Variants in RBM20 observed in about 807,000 individuals in gnomAD.
The protein encoded by RBM20 is RNA-binding protein 20.
In RBM20, 51 loss-of-function variants were observed where a neutral mutation model predicts 110.1. That is an observed-to-expected ratio of 0.46 (90% CI 0.37 to 0.59). The LOEUF is 0.59. Ranked by LOEUF, RBM20 falls within the 20% of genes least tolerant of loss-of-function variation. RBM20 has a pLI of 0.00. For synonymous variants in RBM20, 589 were observed against 618.2 expected, an observed-to-expected ratio of 0.95 and a Z score of 0.70; for missense variants, 1,512 against 1,574.9, an observed-to-expected ratio of 0.96 and a Z score of 0.68.
intron 9 of RBM20, among the ~76,000 whole-genome samples, chr10:110,815,525 G>A (rs943087453): frequency 2.0e-5 from 3 of 152,182 alleles, no homozygotes; most frequent in African/African-American, 7.2e-5. Flanking sequence ...CCAAGTTGCT[G>A]GTGATGGATG....
At chr10:110,728,927 G>A (rs1843592070) in intron 1 of RBM20, among the ~76,000 whole-genome samples, 2 of 152,252 alleles carry the variant, frequency 1.3e-5, no homozygotes, top group Middle Eastern at 3.4e-3. Context: ...TTCAGATCTG[G>A]TCCCTGTCAC....
At chr10:110,669,108 TC>T (rs1250181500) in intron 1 of RBM20, among the ~76,000 whole-genome samples, 1 of 152,214 alleles carries the variant, frequency 6.6e-6, no homozygotes, top group Non-Finnish European at 1.5e-5. Flanking sequence ...AGGAAAATCT[TC>T]CTTCGTTTTT....
chr10:110,811,966 C>G (rs1844773309), intron 8 of RBM20, among the ~76,000 whole-genome samples: 1 of 152,206 alleles, frequency 6.6e-6, no homozygotes, highest in Non-Finnish European at 1.5e-5. Context: ...GAGCATAGCT[C>G]CCTTCCAAGA....
intron 1 of RBM20, among the ~76,000 whole-genome samples, chr10:110,654,913 C>T (rs922699095): frequency 1.3e-5 from 2 of 152,200 alleles, no homozygotes; most frequent in East Asian, 1.9e-4. Context: ...CTATTCTAAA[C>T]AGTTGAGGTA....
chr10:110,721,139 C>T (rs540440880), intron 1 of RBM20, among the ~76,000 whole-genome samples: 1 of 152,352 alleles, frequency 6.6e-6, no homozygotes, highest in South Asian at 2.1e-4. Context: ...TTTTCACTCT[C>T]TGTCCCCCTT....
intron 3 of RBM20, among the ~76,000 whole-genome samples, chr10:110,784,069 A>G (rs1237002299): frequency 6.6e-6 from 1 of 152,196 alleles, no homozygotes; most frequent in Non-Finnish European, 1.5e-5. Flanking sequence ...CCATGTTGTA[A>G]TATGTACAAC....
chr10:110,744,542 C>A (rs368454965), intron 1 of RBM20, among the ~76,000 whole-genome samples: 26 of 152,302 alleles, frequency 1.7e-4, no homozygotes, highest in African/African-American at 5.3e-4. Context: ...TTGATGGAAA[C>A]GCAGATTCTC....
At chr10:110,751,620 T>C (rs899307333) in intron 1 of RBM20, among the ~76,000 whole-genome samples, 2 of 152,236 alleles carry the variant, frequency 1.3e-5, no homozygotes, top group African/African-American at 4.8e-5. Context: ...GGATAAATCA[T>C]TTAACTTCAT....
chr10:110,709,562 CTT>C (rs10713170), intron 1 of RBM20, among the ~76,000 whole-genome samples: 560 of 135,390 alleles, frequency 4.1e-3, no homozygotes, highest in East Asian at 0.012. Flanking sequence ...GTGATAATTT[CTT>C]TTTTTTTTTT....
intron 1 of RBM20, among the ~76,000 whole-genome samples, chr10:110,670,707 C>T (rs748980764): frequency 1.1e-4 from 16 of 152,242 alleles, no homozygotes; most frequent in South Asian, 8.3e-4. Flanking sequence ...ATGCTCTTGA[C>T]GCAGGAAATA....
chr10:110,711,775 C>A (rs371991357), intron 1 of RBM20, among the ~76,000 whole-genome samples: 1 of 152,218 alleles, frequency 6.6e-6, no homozygotes, highest in Admixed American at 6.5e-5. Context: ...TTAGTATCAT[C>A]TGCGTACAAT....
At position 110,839,388 on chromosome 10, in the gene RBM20, G is replaced by T. The variant is rs1387081591; in HGVS notation, c.*3410G>T. The T allele has an allele frequency of 6.6e-6, 1 of 152,102 alleles. No individual in the cohort carries two copies. The highest frequency in any genetic ancestry group is 2.4e-5 in the African/African-American group (1 of 41,412). The allele number at this position is 152,102 out of a possible 1,614,324, so 9.4% of individuals were successfully genotyped here. A position where few individuals can be genotyped will look rare whatever the true frequency, so the allele number is the denominator to read the frequency against. ...CCTATAAATTGTCACTACTTTTCCT[G>T]ATCTGTATAACTGACTGCAAAGTGT... On this transcript the variant is annotated 3_prime_UTR_variant, in exon 14 of 14. Coordinates refer to ENST00000369519, the MANE Select transcript of RBM20 (RefSeq NM_001134363.3).
intron 1 of RBM20, among the ~76,000 whole-genome samples, chr10:110,742,404 A>T (rs75205309): frequency 0.13 from 19,452 of 152,220 alleles, 1,541 homozygotes; most frequent in Non-Finnish European, 0.16. Context: ...AAGAAGACAC[A>T]GGACTTGGAC....
chr10:110,798,726 G>C (rs1844583348), intron 6 of RBM20, among the ~76,000 whole-genome samples: 1 of 152,190 alleles, frequency 6.6e-6, no homozygotes, highest in African/African-American at 2.4e-5. Context: ...AGAAGGAAGA[G>C]AATGAGCTTG....
chr10:110,756,824 T>G (rs1843928272), intron 1 of RBM20: 1 of 152,238 alleles, frequency 6.6e-6, no homozygotes, highest in African/African-American at 2.4e-5. Flanking sequence ...GAATTTGAAT[T>G]AATAAAACTT....
At chr10:110,752,941 A>ATT (rs761640863) in intron 1 of RBM20, among the ~76,000 whole-genome samples, 42 of 92,334 alleles carry the variant, frequency 4.5e-4, no homozygotes, top group Middle Eastern at 5.3e-3. Context: ...ATATATATAT[A>ATT]TATATTTTTT....
intron 1 of RBM20, among the ~76,000 whole-genome samples, chr10:110,687,035 TC>T (rs1862515469): frequency 7.5e-6 from 1 of 133,926 alleles, no homozygotes. Context: ...CGAGACTGTC[TC>T]AAAAAGAAAA....
chr10:110,770,967 A>G (rs1844179836), intron 1 of RBM20, among the ~76,000 whole-genome samples: 1 of 152,236 alleles, frequency 6.6e-6, no homozygotes, highest in African/African-American at 2.4e-5. Context: ...GGTTAGTGAT[A>G]TTTACATAAT....
At chr10:110,755,074 G>A (rs1191265343) in intron 1 of RBM20, among the ~76,000 whole-genome samples, 1 of 152,106 alleles carries the variant, frequency 6.6e-6, no homozygotes, top group African/African-American at 2.4e-5. Flanking sequence ...CAGGCCTCTG[G>A]TCACATCTCA....
Sources: allele counts gnomAD v4.1 joint callset (sites outside exome capture counted in the v4.1 genomes callset), GRCh38; gene constraint gnomAD v4.1.1; transcripts MANE v1.5; gene names NCBI Gene and HGNC (gene_info 2026-07-23, HGNC 2026-07-21).